The following ANKRD12 variants were observed in gnomAD, a reference collection of about 807,000 sequenced individuals.
ANKRD12 encodes ankyrin repeat domain-containing protein 12.
ANKRD12 carries 85 observed loss-of-function variants against 183.4 expected under a neutral mutation model. That is an observed-to-expected ratio of 0.46 (90% confidence interval 0.39 to 0.56). The LOEUF (loss-of-function observed/expected upper bound fraction) is 0.56, where lower values mean the gene tolerates loss of function less well. ANKRD12 is among the 20% of genes least tolerant of loss of function. The pLI is 0.00. For synonymous variants in ANKRD12, 914 were observed against 800.2 expected, an observed-to-expected ratio of 1.14 and a Z score of -2.40; for missense variants, 2,405 against 2,357.1, an observed-to-expected ratio of 1.02 and a Z score of -0.42.
intron 1 of ANKRD12, among the ~76,000 whole-genome samples, chr18:9,151,279 A>C: frequency 6.6e-6 from 1 of 152,150 alleles, no homozygotes; most frequent in Middle Eastern, 3.2e-3. Context: ...TTAAGTAGGA[A>C]TTACTTAGTG....
At chr18:9,157,551 G>GTGTGTATGTGTGTGTGTGTA (rs751369527) in intron 1 of ANKRD12, among the ~76,000 whole-genome samples, 10 of 97,576 alleles carry the variant, frequency 1.0e-4, no homozygotes, top group African/African-American at 4.5e-4. Context: ...GTGTGTGTGG[G>GTGTGTATGTGTGTGTGTGTA]TGTGTGTGTG....
intron 2 of ANKRD12, among the ~76,000 whole-genome samples, chr18:9,189,320 A>G (rs554315894): frequency 7.9e-5 from 12 of 152,214 alleles, no homozygotes; most frequent in South Asian, 4.1e-4. Context: ...AAGTTGGTTC[A>G]TGAGGTTTAA....
At chr18:9,149,793 A>ATTTATT (rs2078620199) in intron 1 of ANKRD12, among the ~76,000 whole-genome samples, 2 of 145,056 alleles carry the variant, frequency 1.4e-5, no homozygotes, top group Non-Finnish European at 3.0e-5. Flanking sequence ...TATTTATTAA[A>ATTTATT]TTTTATTTTT....
chr18:9,172,025 CAAA>C lies in ANKRD12; in HGVS notation c.-51-10344_-51-10342del, dbSNP rs60328704. Among the ~76,000 whole-genome samples, 112 of 125,834 alleles carry C rather than the reference CAAA, an allele frequency of 8.9e-4. 3 individuals carry two copies. In the East Asian group the frequency reaches 0.023, roughly 26 times the overall value. The allele number at this position is 125,834 out of a possible 152,430, so 82.6% of individuals were successfully genotyped here. On this transcript the variant is annotated intron_variant, in intron 1 of 12. Transcript: ENST00000262126. The stretch of plus-strand genomic sequence containing the variant: ...GGAAGAGTGAAATGAAGCTCCACCT[CAAA>C]AAAAAAAAAAAACGAATGTTGAATA...
At chr18:9,197,609 C>T (rs2034916199) in intron 3 of ANKRD12, among the ~76,000 whole-genome samples, 1 of 152,016 alleles carries the variant, frequency 6.6e-6, no homozygotes. Flanking sequence ...TTTACTGTTA[C>T]CTGAGATGAC....
At chr18:9,196,238 T>C (rs1014690232) in intron 3 of ANKRD12, among the ~76,000 whole-genome samples, 1 of 138,942 alleles carries the variant, frequency 7.2e-6, no homozygotes, top group East Asian at 2.1e-4. Flanking sequence ...GCTAACTGCC[T>C]CAGTGCTTTT....
chr18:9,259,022 G>C, intron 9 of ANKRD12, 91 bp downstream of exon 9: 1 of 1,397,408 alleles, frequency 7.2e-7, no homozygotes, highest in African/African-American at 1.5e-5. Context: ...TTTTCTAGTA[G>C]ATAGATAATT....
At chr18:9,242,469 A>AC (rs754511092) in intron 8 of ANKRD12, among the ~76,000 whole-genome samples, 43 of 152,018 alleles carry the variant, frequency 2.8e-4, no homozygotes, top group African/African-American at 1.0e-3. Context: ...CATACAAAAA[A>AC]AAATGAGTTC....
At chr18:9,270,981 C>T (rs1304957743) in intron 10 of ANKRD12, among the ~76,000 whole-genome samples, 1 of 152,160 alleles carries the variant, frequency 6.6e-6, no homozygotes, top group Non-Finnish European at 1.5e-5. Context: ...CCAGCTATGT[C>T]ATACAAGTAT....
chr18:9,271,249 A>C (rs1030154096), intron 10 of ANKRD12, among the ~76,000 whole-genome samples: 1 of 152,210 alleles, frequency 6.6e-6, no homozygotes, highest in African/African-American at 2.4e-5. Flanking sequence ...TTTTTTAAAA[A>C]AATTTTTGCC....
chr18:9,168,847 G>A (rs996215072), intron 1 of ANKRD12, among the ~76,000 whole-genome samples: 1 of 151,912 alleles, frequency 6.6e-6, no homozygotes, highest in Non-Finnish European at 1.5e-5. Context: ...GCTTTCTCTT[G>A]TGGGCATTTA....
rs1458756032 is a variant in ANKRD12, at chr18:9,254,203, T to TA, written c.944-7dup. The TA allele has an allele frequency of 1.5e-5, 23 of 1,494,240 alleles. No individual in the cohort carries two copies. The highest frequency in any genetic ancestry group is 2.9e-5 in the African/African-American group (2 of 69,830). 92.6% of individuals were successfully genotyped at this position (1,494,240 alleles called of 1,614,324 possible). A position where few individuals can be genotyped will look rare whatever the true frequency, so the allele number is the denominator to read the frequency against. ...GACCCACACCACATTTTCTTTTTTT[T>TA]ATTCTAGATTCCGAAGAGGCTCAAT... is the stretch of plus-strand genomic sequence containing the variant. On this transcript the variant is annotated splice_polypyrimidine_tract_variant and splice_region_variant and intron_variant, in intron 8 of 12. Transcript: ENST00000262126.
chr18:9,198,106 A>G (rs1054751176), intron 3 of ANKRD12, among the ~76,000 whole-genome samples: 1 of 152,196 alleles, frequency 6.6e-6, no homozygotes, highest in African/African-American at 2.4e-5. Context: ...ATCAGACTTC[A>G]TATCTGACAT....
chr18:9,207,426 G>T lies in ANKRD12; in HGVS notation c.305-1231G>T, dbSNP rs142125453. Among the ~76,000 whole-genome samples, 1,047 of 152,016 alleles carry T rather than the reference G, an allele frequency of 6.9e-3. 22 individuals carry two copies. Among genetic ancestry groups the T allele is most frequent in the African/African-American group, 0.024 (989 of 41,518 alleles). ...AAATGTTTAATTTTGAAAGATTTGT[G>T]GACAGCAGAGTTTTTAAAATTAGGA... On this transcript the variant is annotated intron_variant, in intron 4 of 12. Coordinates refer to ENST00000262126, the MANE Select transcript of ANKRD12 (RefSeq NM_015208.5).
At chr18:9,271,547 G>A (rs887529385) in intron 10 of ANKRD12, among the ~76,000 whole-genome samples, 3 of 152,026 alleles carry the variant, frequency 2.0e-5, no homozygotes, top group African/African-American at 7.2e-5. Flanking sequence ...TTATAGAGTT[G>A]GGGTCCCACT....
intron 2 of ANKRD12, among the ~76,000 whole-genome samples, chr18:9,193,811 TCTC>T (rs1172024099): frequency 1.3e-5 from 2 of 152,200 alleles, no homozygotes; most frequent in Non-Finnish European, 2.9e-5. Context: ...TCTTTTAAGA[TCTC>T]CTGCTAAGGC....
chr18:9,254,857 T>C lies in ANKRD12; in HGVS notation c.1590T>C (p.Asp530=), dbSNP rs369941668. The change falls in exon 9 of 13, where the codon GAT becomes GAC. Residue 530 remains aspartate (D), a synonymous_variant. Coordinates refer to ENST00000262126, the MANE Select transcript of ANKRD12 (RefSeq NM_015208.5). ...NFRKSFSPKD[D]TSLHLFHIST... ...GGAAATCTTTTAGCCCAAAAGATGA[T>C]ACTTCATTACATTTATTTCATATTT... The C allele has an allele frequency of 2.6e-6, 4 of 1,514,654 alleles. No homozygotes were observed. Among genetic ancestry groups the C allele is most frequent in the Non-Finnish European group, 3.5e-6 (4 of 1,135,772 alleles). The allele number at this position is 1,514,654 out of a possible 1,614,324, so 93.8% of individuals were successfully genotyped here.
chr18:9,138,525 AAAACAAACAAAC>A (rs142186514), intron 1 of ANKRD12, among the ~76,000 whole-genome samples: 3 of 152,126 alleles, frequency 2.0e-5, no homozygotes, highest in Admixed American at 1.3e-4. Context: ...AAAACATACC[AAAACAAACAAAC>A]AAACAAACAA....
intron 8 of ANKRD12, among the ~76,000 whole-genome samples, chr18:9,239,745 G>A (rs1306547955): frequency 6.6e-6 from 1 of 152,120 alleles, no homozygotes; most frequent in Non-Finnish European, 1.5e-5. Context: ...AAGCCAGATA[G>A]CATTATCTAA....
Sources: allele counts gnomAD v4.1 joint callset (sites outside exome capture counted in the v4.1 genomes callset), GRCh38; gene constraint gnomAD v4.1.1; transcripts MANE v1.5; gene names NCBI Gene and HGNC (gene_info 2026-07-23, HGNC 2026-07-21).